Variants in PCDHGA3 observed in about 807,000 individuals in gnomAD.
The protein encoded by PCDHGA3 is protocadherin gamma subfamily A, 3, also known as protocadherin gamma-A3.
A neutral mutation model predicts 58.5 loss-of-function variants in PCDHGA3; 40 were observed. The observed-to-expected ratio is 0.68, with a 90% CI of 0.53 to 0.89. The LOEUF (loss-of-function observed/expected upper bound fraction) is 0.89. Ranked by LOEUF, PCDHGA3 falls within the 40% of genes least tolerant of loss-of-function variation. PCDHGA3 has a pLI of 0.00. For synonymous variants in PCDHGA3, 530 were observed against 525.7 expected, an observed-to-expected ratio of 1.01 and a Z score of -0.11; for missense variants, 1,223 against 1,195.9, an observed-to-expected ratio of 1.02 and a Z score of -0.33.
chr5:141,432,264 C>A lies in PCDHGA3; in HGVS notation c.2425-62543C>A. On this transcript the variant is annotated intron_variant, in intron 1 of 3. Transcript: ENST00000253812. The surrounding 1 kb of genome is among the most constrained non-coding windows in gnomAD (Gnocchi z 6.0). Reference sequence around the variant, plus strand: ...AACACCATCCAAGGGGCAAGCCTATCGTCCTACGTGTCCATCAACTCCGAC... The same window carrying A: ...AACACCATCCAAGGGGCAAGCCTATAGTCCTACGTGTCCATCAACTCCGAC... 5 of 1,614,252 alleles carry A rather than the reference C, an allele frequency of 3.1e-6. No homozygotes were observed. Among genetic ancestry groups the A allele is most frequent in the Non-Finnish European group, 4.2e-6 (5 of 1,180,044 alleles).
At chr5:141,470,736 C>A (rs541510544) in intron 1 of PCDHGA3, among the ~76,000 whole-genome samples, 1 of 152,092 alleles carries the variant, frequency 6.6e-6, no homozygotes, top group Non-Finnish European at 1.5e-5. Context: ...CTTGCTCTGT[C>A]GCCCTGGCTG....
intron 1 of PCDHGA3, chr5:141,350,329 C>T (rs916472281): frequency 5.2e-6 from 8 of 1,536,508 alleles, no homozygotes; most frequent in Non-Finnish European, 7.0e-6. Flanking sequence ...TGTCTTTGTT[C>T]TGCGGGGCCA....
chr5:141,494,953 T>G, intron 2 of PCDHGA3, 88 bp downstream of exon 2: 1 of 1,604,164 alleles, frequency 6.2e-7, no homozygotes, highest in Non-Finnish European at 8.5e-7. Flanking sequence ...GCCCAGCATT[T>G]GCTACAGATG....
chr5:141,431,968 T>G lies in PCDHGA3; in HGVS notation c.2425-62839T>G, dbSNP rs571981127. 6.2e-7 allele frequency: 1 copy of G among 1,614,190 alleles called. No individual in the cohort carries two copies. Among genetic ancestry groups the G allele is most frequent in the Admixed American group, 1.7e-5 (1 of 60,024 alleles). On this transcript the variant is annotated intron_variant, in intron 1 of 3. Coordinates refer to ENST00000253812, the MANE Select transcript of PCDHGA3 (RefSeq NM_018916.4). The surrounding 1 kb of genome is among the most constrained non-coding windows in gnomAD (Gnocchi z 4.8). ...AAAAATCTTACGGAAATTACTATAGTTTAGTCACAGACATAGTCTTGGATA... is the reference window on the plus strand; with the variant it reads ...AAAAATCTTACGGAAATTACTATAGGTTAGTCACAGACATAGTCTTGGATA...
chr5:141,391,000 T>C (rs2092286539), intron 1 of PCDHGA3: 1 of 152,230 alleles, frequency 6.6e-6, no homozygotes, highest in Admixed American at 6.5e-5. Flanking sequence ...TTCAAGCTCA[T>C]TCTATATCCT....
intron 1 of PCDHGA3, among the ~76,000 whole-genome samples, chr5:141,425,417 G>A (rs1238708306): frequency 2.0e-5 from 3 of 152,162 alleles, no homozygotes; most frequent in East Asian, 3.9e-4. Context: ...ATAACATATA[G>A]TCCCATTAAA....
chr5:141,372,024 G>C (rs756350888), intron 1 of PCDHGA3: 1 of 1,613,384 alleles, frequency 6.2e-7, no homozygotes, highest in East Asian at 2.2e-5. Context: ...TACGCTCAGC[G>C]CCAACGTGAG....
At chr5:141,415,966 C>A in intron 1 of PCDHGA3, 1 of 405,602 alleles carries the variant, frequency 2.5e-6, no homozygotes, top group East Asian at 5.2e-5. Context: ...AAACTCCAGC[C>A]CCTTAAGCAA....
At chr5:141,351,626 C>T (rs751939973) in intron 1 of PCDHGA3, 2 of 1,614,070 alleles carry the variant, frequency 1.2e-6, no homozygotes, top group South Asian at 1.1e-5. Context: ...CTATGTGGTC[C>T]ACGTGTCTGA....
At position 141,376,322 on chromosome 5, in the gene PCDHGA3, C is replaced by A. The variant is rs750074970; in HGVS notation, c.2424+29865C>A. On this transcript the variant is annotated intron_variant, in intron 1 of 3. Transcript: ENST00000253812. ...GCACTTTGTGGGCGTGGAAGGGGTTCGGGCTTTCCTGCAGACCTATTCCCA... is the reference window on the plus strand; with the variant it reads ...GCACTTTGTGGGCGTGGAAGGGGTTAGGGCTTTCCTGCAGACCTATTCCCA... The A allele has an allele frequency of 9.3e-6, 15 of 1,614,056 alleles. No individual in the cohort carries two copies. The Admixed American group carries it at 1.2e-4, about 13-fold the overall frequency.
chr5:141,385,067 G>A (rs963028251), intron 1 of PCDHGA3: 3 of 1,614,158 alleles, frequency 1.9e-6, no homozygotes, highest in Non-Finnish European at 2.5e-6. Flanking sequence ...CACAAGTCAC[G>A]CCTGCTGCAG....
At chr5:141,419,318 G>A in intron 1 of PCDHGA3, 1 of 1,613,992 alleles carries the variant, frequency 6.2e-7, no homozygotes, top group Non-Finnish European at 8.5e-7. Flanking sequence ...CAACGGCCGT[G>A]TCTCCTACTC....
intron 1 of PCDHGA3, chr5:141,370,669 G>C (rs370792537): frequency 6.2e-7 from 1 of 1,613,908 alleles, no homozygotes; most frequent in Admixed American, 1.7e-5. Context: ...CGTATAGACC[G>C]AGAGGAGATT....
intron 1 of PCDHGA3, among the ~76,000 whole-genome samples, chr5:141,473,907 C>T (rs552055360): frequency 2.0e-4 from 30 of 152,220 alleles, no homozygotes; most frequent in African/African-American, 7.2e-4. Context: ...ATGAAGAGGT[C>T]TTAAGAAAAC....
At chr5:141,453,087 T>G (rs2098755775) in intron 1 of PCDHGA3, among the ~76,000 whole-genome samples, 1 of 152,150 alleles carries the variant, frequency 6.6e-6, no homozygotes, top group Non-Finnish European at 1.5e-5. Context: ...TTGATTAGTA[T>G]ATTTTCTGTT....
rs369323252 is a variant in PCDHGA3 at position 141,487,658 on chromosome 5, G to T, written c.2425-7149G>T. ...TCAACAAATGCTTGAGGGTTATTCT[G>T]ATCCAGGCATATGGCTAGGCCATGT... On this transcript the variant is annotated intron_variant, in intron 1 of 3. Coordinates refer to ENST00000253812, the MANE Select transcript of PCDHGA3 (RefSeq NM_018916.4). This position sits in a 1 kb window ranked among gnomAD's most constrained non-coding sequence, Gnocchi z 5.0. The T allele has an allele frequency of 8.7e-5, 140 of 1,613,508 alleles. No individual in the cohort carries two copies. The highest frequency in any genetic ancestry group is 1.1e-4 in the Non-Finnish European group (134 of 1,179,802).
chr5:141,410,650 T>C (rs781083173), intron 1 of PCDHGA3: 3 of 1,590,604 alleles, frequency 1.9e-6, no homozygotes, highest in Non-Finnish European at 2.6e-6. Context: ...GTGTGATTTA[T>C]CTAATAGTCT....
In PCDHGA3 at chr5:141,512,264, C is replaced by G. The variant is rs1453959730; in HGVS notation, c.*1091C>G. 6.5e-6 allele frequency: 1 copy of G among 152,684 alleles called. No homozygotes were observed. The highest frequency in any genetic ancestry group is 1.5e-5 in the Non-Finnish European group (1 of 68,096). 9.5% of individuals were successfully genotyped at this position (152,684 alleles called of 1,614,324 possible). ...GGGGCCTCTGTGGGTGCTGGGTACTCCAGAGGTGCCACTGGTGGAAGGGTC... is the reference window on the plus strand; with the variant it reads ...GGGGCCTCTGTGGGTGCTGGGTACTGCAGAGGTGCCACTGGTGGAAGGGTC... On this transcript the variant is annotated 3_prime_UTR_variant, in exon 4 of 4. Transcript: ENST00000253812.
chr5:141,370,789 C>A (rs796186624), intron 1 of PCDHGA3: 4 of 1,613,906 alleles, frequency 2.5e-6, no homozygotes, highest in Non-Finnish European at 3.4e-6. Context: ...AACCCACCGA[C>A]CTTTAGCCAA....
Sources: allele counts gnomAD v4.1 joint callset (sites outside exome capture counted in the v4.1 genomes callset), GRCh38; gene constraint gnomAD v4.1.1; non-coding constraint Gnocchi (gnomAD v3.1); transcripts MANE v1.5; gene names NCBI Gene and HGNC (gene_info 2026-07-23, HGNC 2026-07-21).